KDM4C: variants seen among roughly 807,000 people sequenced by gnomAD.
The protein encoded by KDM4C is lysine demethylase 4C.
In KDM4C, 81 loss-of-function variants were observed where a neutral mutation model predicts 129.3. The ratio of observed to expected loss-of-function variants is 0.63; its 90% CI spans 0.52 to 0.75. The LOEUF is 0.75. KDM4C is among the 30% of genes least tolerant of loss of function. The probability of loss-of-function intolerance (pLI) is 0.00; values close to 1 mark genes in which losing one functional copy is unlikely to be tolerated. For synonymous variants in KDM4C, 573 were observed against 456.1 expected (o/e 1.26, Z -3.26); for missense variants, 1,457 against 1,304.0 (o/e 1.12, Z -1.81).
rs552529778 is a variant in KDM4C, at chr9:6,947,002, G to A, written c.922-33923G>A. ...GATCCCAACTGGTCTAAGTCATAGT[G>A]AAGGGAAGGATTATTATGGAAGAGG... On this transcript the variant is annotated intron_variant, in intron 8 of 21. Transcript: ENST00000381309. Among the ~76,000 whole-genome samples, 85 of 152,220 alleles carry A rather than the reference G, an allele frequency of 5.6e-4. 1 individual carries two copies. Among genetic ancestry groups the A allele is most frequent in the African/African-American group, 2.0e-3 (83 of 41,548 alleles).
At chr9:7,091,914 G>T (rs1835850800) in intron 17 of KDM4C, among the ~76,000 whole-genome samples, 1 of 152,178 alleles carries the variant, frequency 6.6e-6, no homozygotes, top group Admixed American at 6.5e-5. Flanking sequence ...TCAGACCCTG[G>T]GCTCAGCACA....
intron 11 of KDM4C, 33 bp downstream of exon 11, chr9:6,986,699 A>G: frequency 6.8e-7 from 1 of 1,461,220 alleles, no homozygotes; most frequent in South Asian, 1.3e-5. Context: ...TACCATATTC[A>G]TTATATGGTG....
At chr9:7,050,572 C>G (rs995572341) in intron 17 of KDM4C, among the ~76,000 whole-genome samples, 1 of 151,502 alleles carries the variant, frequency 6.6e-6, no homozygotes, top group East Asian at 1.9e-4. Context: ...CAAATATTAA[C>G]AAATGTTAAC....
At chr9:6,836,322 A>G (rs932502632) in intron 4 of KDM4C, among the ~76,000 whole-genome samples, 1 of 152,212 alleles carries the variant, frequency 6.6e-6, no homozygotes, top group Non-Finnish European at 1.5e-5. Context: ...CGGTGCGCCA[A>G]GATCATGCCA....
At chr9:7,010,337 A>G (rs1444318519) in intron 12 of KDM4C, among the ~76,000 whole-genome samples, 1 of 152,230 alleles carries the variant, frequency 6.6e-6, no homozygotes, top group Non-Finnish European at 1.5e-5. Flanking sequence ...TAACGTGATT[A>G]TTATGATAAT....
chr9:6,995,088 G>A (rs983249044), intron 12 of KDM4C, among the ~76,000 whole-genome samples: 2 of 151,526 alleles, frequency 1.3e-5, no homozygotes, highest in Non-Finnish European at 2.9e-5. Context: ...ACAAAGGAAT[G>A]ATGCATACTG....
chr9:6,809,583 A>T lies in KDM4C; in HGVS notation c.320+3809A>T, dbSNP rs556427368. Among the ~76,000 whole-genome samples, 193 of 152,344 alleles carry T rather than the reference A, an allele frequency of 1.3e-3. 1 individual carries two copies. The highest frequency in any genetic ancestry group is 4.5e-3 in the African/African-American group (188 of 41,576). ...TGCTATGAGGTTTCAAAGGAATACA[A>T]GGCTTCTGTGGTTGTTCATAAGGAA... is the stretch of plus-strand genomic sequence containing the variant. On this transcript the variant is annotated intron_variant, in intron 3 of 21. Transcript: ENST00000381309.
chr9:6,734,070 G>C (rs1226064074), intron 1 of KDM4C, among the ~76,000 whole-genome samples: 2 of 152,110 alleles, frequency 1.3e-5, no homozygotes, highest in African/African-American at 2.4e-5. Context: ...AACCGTCTGA[G>C]AATGCAGCCC....
chr9:7,068,682 C>G (rs1323204411), intron 17 of KDM4C, among the ~76,000 whole-genome samples: 5 of 88,534 alleles, frequency 5.6e-5, no homozygotes, highest in African/African-American at 1.8e-4. Flanking sequence ...TTATGATGCC[C>G]TTTCTTTTTT....
chr9:7,161,196 T>C lies in KDM4C; in HGVS notation c.2782-4042T>C, dbSNP rs541628322. On this transcript the variant is annotated intron_variant, in intron 19 of 21. Coordinates refer to ENST00000381309, the MANE Select transcript of KDM4C (RefSeq NM_015061.6). ...CTAAGACCTTGAGAAAAGTGCAGTA[T>C]TGGGGCAGGCGTGTCCCATTTTTCC... 2.0e-5 allele frequency among the ~76,000 whole-genome samples: 3 copies of C among 152,260 alleles called. No homozygotes were observed. In the South Asian group the frequency reaches 6.2e-4, roughly 32 times the overall value.
intron 15 of KDM4C, among the ~76,000 whole-genome samples, chr9:7,045,267 A>T (rs1045410994): frequency 2.0e-5 from 3 of 151,930 alleles, no homozygotes; most frequent in African/African-American, 7.2e-5. Flanking sequence ...TCTCACTGCT[A>T]CTTTCATTAA....
At chr9:6,755,096 G>A (rs1818196819), upstream of KDM4C, among the ~76,000 whole-genome samples, 1 of 152,134 alleles carries the variant, frequency 6.6e-6, no homozygotes, top group Admixed American at 6.6e-5. Flanking sequence ...ATTAGGCCGG[G>A]CATGGTGGCT....
chr9:7,093,316 A>G (rs1221374849), intron 17 of KDM4C, among the ~76,000 whole-genome samples: 2 of 152,222 alleles, frequency 1.3e-5, no homozygotes, highest in Non-Finnish European at 2.9e-5. Context: ...AATACGACGA[A>G]TAAAATAGCT....
chr9:6,913,632 G>T (rs748469264), intron 8 of KDM4C, among the ~76,000 whole-genome samples: 1 of 152,280 alleles, frequency 6.6e-6, no homozygotes, highest in Non-Finnish European at 1.5e-5. Context: ...AGCCCAAGGG[G>T]AGTCATTTCA....
At chr9:6,745,242 C>T (rs1198782439) in intron 1 of KDM4C, among the ~76,000 whole-genome samples, 1 of 152,052 alleles carries the variant, frequency 6.6e-6, no homozygotes, top group Non-Finnish European at 1.5e-5. Flanking sequence ...GGTCTCAAAC[C>T]TTCTTAATGT....
chr9:7,090,809 G>A (rs1472518276), intron 17 of KDM4C, among the ~76,000 whole-genome samples: 3 of 152,156 alleles, frequency 2.0e-5, no homozygotes, highest in African/African-American at 2.4e-5. Flanking sequence ...CCTGTGATAT[G>A]TCCAGTGTGT....
At chr9:6,722,450 G>A (rs1816986137) in intron 1 of KDM4C, among the ~76,000 whole-genome samples, 1 of 152,076 alleles carries the variant, frequency 6.6e-6, no homozygotes, top group African/African-American at 2.4e-5. Flanking sequence ...GGCTGAGGCG[G>A]GCAGATCTGT....
chr9:7,107,556 A>G (rs561402982), intron 18 of KDM4C, among the ~76,000 whole-genome samples: 25 of 152,380 alleles, frequency 1.6e-4, no homozygotes, highest in Middle Eastern at 3.4e-3. Flanking sequence ...TAGCAGCACC[A>G]GAATCACTTG....
chr9:6,990,228 A>C (rs1308469957), intron 11 of KDM4C, among the ~76,000 whole-genome samples, 188 bp from the exon 12 acceptor site: 1 of 152,182 alleles, frequency 6.6e-6, no homozygotes, highest in Non-Finnish European at 1.5e-5. Flanking sequence ...TAAAATTACT[A>C]ATAGAATTGA....
Sources: gnomAD v4.1 joint callset for allele counts (sites outside exome capture counted in the v4.1 genomes callset) on GRCh38, gnomAD v4.1.1 for gene constraint, MANE v1.5 for transcripts, NCBI Gene and HGNC (gene_info 2026-07-23, HGNC 2026-07-21) for gene names.